Variants in CENPU observed in about 807,000 individuals in gnomAD.
CENPU encodes the protein KSHV latent nuclear antigen interacting protein 1.
Under a neutral mutation model 56.7 loss-of-function variants are expected in CENPU, and 46 were observed. The ratio of observed to expected loss-of-function variants is 0.81; its 90% CI spans 0.64 to 1.04. CENPU has a LOEUF of 1.04. Ranked by LOEUF, CENPU falls within the 50% of genes least tolerant of loss-of-function variation. CENPU has a pLI of 0.00. For synonymous variants in CENPU, 166 were observed against 163.0 expected, an observed-to-expected ratio of 1.02 and a Z score of -0.14; for missense variants, 510 against 490.1, an observed-to-expected ratio of 1.04 and a Z score of -0.38.
intron 1 of CENPU, 122 bp downstream of exon 1, chr4:184,733,894 G>A (rs1167304838): frequency 7.6e-7 from 1 of 1,323,868 alleles, no homozygotes; most frequent in Non-Finnish European, 1.1e-6. Flanking sequence ...CCGGGCGATT[G>A]GCCACTCGGG....
At chr4:184,704,537 C>T (rs1388011481) in intron 8 of CENPU, among the ~76,000 whole-genome samples, 1 of 151,996 alleles carries the variant, frequency 6.6e-6, no homozygotes, top group Non-Finnish European at 1.5e-5. Context: ...CCTAAGGATG[C>T]AGTTCTCAGA....
At chr4:184,710,821 T>C (rs929331352) in intron 7 of CENPU, among the ~76,000 whole-genome samples, 4 of 152,192 alleles carry the variant, frequency 2.6e-5, no homozygotes, top group African/African-American at 7.2e-5. Context: ...CTGTAAGGTG[T>C]TATCAATTTG....
chr4:184,719,404 A>T (rs1202752736), intron 4 of CENPU, among the ~76,000 whole-genome samples: 4 of 152,236 alleles, frequency 2.6e-5, no homozygotes, highest in Non-Finnish European at 4.4e-5. Context: ...AACAGTGGAA[A>T]GCAGAACCAG....
intron 8 of CENPU, among the ~76,000 whole-genome samples, chr4:184,706,150 T>A (rs1201769377): frequency 2.6e-5 from 4 of 151,844 alleles, no homozygotes; most frequent in Non-Finnish European, 2.9e-5. Context: ...AGCCCCACTT[T>A]AAAAAAAAGA....
chr4:184,718,215 G>A (rs544508025), intron 4 of CENPU, among the ~76,000 whole-genome samples: 11 of 152,272 alleles, frequency 7.2e-5, no homozygotes, highest in South Asian at 6.2e-4. Context: ...AAGGGTCTGG[G>A]GCCTCGACGT....
intron 7 of CENPU, among the ~76,000 whole-genome samples, chr4:184,711,188 C>T (rs1196133824): frequency 7.2e-5 from 11 of 152,140 alleles, no homozygotes; most frequent in African/African-American, 2.4e-4. Flanking sequence ...AAGCCATTGG[C>T]AGGATAGTCT....
intron 4 of CENPU, among the ~76,000 whole-genome samples, 163 bp from the exon 5 acceptor site, chr4:184,717,359 C>T (rs1040163912): frequency 6.6e-6 from 1 of 152,220 alleles, no homozygotes; most frequent in African/African-American, 2.4e-5. Flanking sequence ...TGCTGCCTCC[C>T]ACATCTTCCC....
chr4:184,718,126 C>T (rs1315461809), intron 4 of CENPU, among the ~76,000 whole-genome samples: 2 of 152,342 alleles, frequency 1.3e-5, no homozygotes, highest in East Asian at 3.9e-4. Flanking sequence ...GCACCCACTG[C>T]AGCGCCTTCT....
rs1761621604 is a variant in CENPU at position 184,730,983 on chromosome 4, A to C, written c.48-15T>G. 3.2e-6 allele frequency: 5 copies of C among 1,566,570 alleles called. No individual in the cohort carries two copies. Among genetic ancestry groups the C allele is most frequent in the Non-Finnish European group, 3.4e-6 (4 of 1,159,494 alleles). On this transcript the variant is annotated splice_polypyrimidine_tract_variant and intron_variant, in intron 1 of 12. Coordinates refer to ENST00000281453, the MANE Select transcript of CENPU (RefSeq NM_024629.4). Reference sequence around the variant, plus strand: ...AACGTCTTGCGCTATTAAACAGCAAAAAAACACAAGAGTTAGGAAATAGTT... The same window carrying C: ...AACGTCTTGCGCTATTAAACAGCAACAAAACACAAGAGTTAGGAAATAGTT...
chr4:184,731,725 C>T (rs575123378), intron 1 of CENPU, among the ~76,000 whole-genome samples: 20 of 152,248 alleles, frequency 1.3e-4, no homozygotes, highest in Admixed American at 4.6e-4. Context: ...TAAAATATGC[C>T]ATGCAGATTG....
In CENPU at chr4:184,729,003, C is replaced by T. The variant is rs1299679480; in HGVS notation, c.129G>A (p.Val43=). ...CATCAGAATTATCAGGAAAGTCGAA[C>T]ACGTCAATAGGCTTGCACTTTTGAC... The part of the protein sequence containing the change: ...KAGQKCKPID[V]FDFPDNSDVS... The change falls in exon 3 of 13, where the codon GTG becomes GTA. Residue 43 remains valine (V), a synonymous_variant. Transcript: ENST00000281453. 1 of 1,614,100 alleles carries T rather than the reference C, an allele frequency of 6.2e-7. No individual in the cohort carries two copies.
Position 184,726,988 on chromosome 4 carries a change from G to A in CENPU, c.215-1926C>T, listed in dbSNP as rs58694251. Among the ~76,000 whole-genome samples the A allele has an allele frequency of 6.7e-3, 851 of 127,358 alleles. 15 individuals are homozygous for A. The highest frequency in any genetic ancestry group is 0.023 in the African/African-American group (804 of 35,556). The allele number at this position is 127,358 out of a possible 152,430, so 83.6% of individuals were successfully genotyped here. A position where few individuals can be genotyped will look rare whatever the true frequency, so the allele number is the denominator to read the frequency against. On this transcript the variant is annotated intron_variant, in intron 3 of 12. Transcript: ENST00000281453. Reference sequence around the variant, plus strand: ...GTCCTGGGGGGTGGGGGGGGGGGGCGCCTGGAATCCCAGCCACTCGGGAAG... The same window carrying A: ...GTCCTGGGGGGTGGGGGGGGGGGGCACCTGGAATCCCAGCCACTCGGGAAG...
At chr4:184,717,831 T>C (rs1214814567) in intron 4 of CENPU, among the ~76,000 whole-genome samples, 3 of 152,136 alleles carry the variant, frequency 2.0e-5, no homozygotes, top group Non-Finnish European at 2.9e-5. Flanking sequence ...ATCACAGTTA[T>C]GACACTTGGC....
At chr4:184,701,044 T>C (rs1281650105) in intron 10 of CENPU, among the ~76,000 whole-genome samples, 163 bp from the exon 11 acceptor site, 1 of 152,130 alleles carries the variant, frequency 6.6e-6, no homozygotes, top group Admixed American at 6.5e-5. Context: ...AGAAACAGTA[T>C]GTATTTACAG....
intron 3 of CENPU, 107 bp downstream of exon 3, chr4:184,728,811 T>G: frequency 1.3e-6 from 1 of 777,586 alleles, no homozygotes; most frequent in Non-Finnish European, 2.1e-6. Flanking sequence ...TATATTTACA[T>G]GCAGGCAACT....
chr4:184,718,186 G>A (rs1761156254), intron 4 of CENPU, among the ~76,000 whole-genome samples: 1 of 152,166 alleles, frequency 6.6e-6, no homozygotes, highest in Non-Finnish European at 1.5e-5. Flanking sequence ...GCAGTCTCTA[G>A]CCAACAAGTA....
In CENPU at chr4:184,734,079, C is replaced by T; in HGVS notation, c.-17G>A. On this transcript the variant is annotated 5_prime_UTR_variant, in exon 1 of 13. Transcript: ENST00000281453. ...CGGGGCCATGGTGCCGCTCTCCGCT[C>T]TCGAGCGACTGGAAGCTCCCGCCAA... The T allele has an allele frequency of 6.5e-7, 1 of 1,545,932 alleles. No homozygotes were observed. Among genetic ancestry groups the T allele is most frequent in the Non-Finnish European group, 8.7e-7 (1 of 1,147,250 alleles).
At chr4:184,700,367 T>C (rs1310198814) in intron 11 of CENPU, among the ~76,000 whole-genome samples, 2 of 152,244 alleles carry the variant, frequency 1.3e-5, no homozygotes, top group African/African-American at 4.8e-5. Flanking sequence ...TTTCTATATA[T>C]GTACTTATTT....
At chr4:184,695,678 T>C (rs1463821906) in intron 12 of CENPU, among the ~76,000 whole-genome samples, 1 of 152,182 alleles carries the variant, frequency 6.6e-6, no homozygotes, top group African/African-American at 2.4e-5. Flanking sequence ...TCTCTATTAC[T>C]GGAGACAGGA....
Sources: allele counts gnomAD v4.1 joint callset (sites outside exome capture counted in the v4.1 genomes callset), GRCh38; gene constraint gnomAD v4.1.1; transcripts MANE v1.5; gene names NCBI Gene and HGNC (gene_info 2026-07-23, HGNC 2026-07-21).